ARHGEF10: variants seen among roughly 807,000 people sequenced by gnomAD.
ARHGEF10 encodes Rho guanine nucleotide exchange factor 10.
In ARHGEF10, 140 loss-of-function variants were observed where a neutral mutation model predicts 147.4. The observed-to-expected ratio is 0.95, with a 90% confidence interval of 0.83 to 1.09. The LOEUF is 1.09. ARHGEF10 is among the 50% of genes least tolerant of loss of function. ARHGEF10 has a pLI of 0.00. For synonymous variants in ARHGEF10, 902 were observed against 695.8 expected (o/e 1.30, Z -4.67); for missense variants, 2,222 against 1,752.7 (o/e 1.27, Z -4.78).
rs1321601319 is a variant in ARHGEF10, at chr8:1,948,033, A to T, written c.3397+2378A>T. On this transcript the variant is annotated intron_variant, in intron 27 of 28. Coordinates refer to ENST00000349830, the MANE Select transcript of ARHGEF10 (RefSeq NM_014629.4). This position sits in a 1 kb window ranked among gnomAD's most constrained non-coding sequence, Gnocchi z 4.9. ...CAGCTGCCTGTGTTGCGTGTTTTGG[A>T]TGATGAAGTTGTCTGTGGCTGGGCG... Among the ~76,000 whole-genome samples, 1 of 151,744 alleles carries T rather than the reference A, an allele frequency of 6.6e-6. No individual in the cohort carries two copies. Among genetic ancestry groups the T allele is most frequent in the Non-Finnish European group, 1.5e-5 (1 of 67,986 alleles).
intron 2 of ARHGEF10, among the ~76,000 whole-genome samples, chr8:1,851,789 C>G: frequency 6.6e-6 from 1 of 152,186 alleles, no homozygotes; most frequent in Non-Finnish European, 1.5e-5. Context: ...TGGCTCATGC[C>G]TGTAGTCCTG....
At chr8:1,882,776 G>GTCTTCTTGC (rs1448271548) in intron 10 of ARHGEF10, 27 bp downstream of exon 10, 1 of 1,500,356 alleles carries the variant, frequency 6.7e-7, no homozygotes, top group African/African-American at 1.5e-5. Context: ...CTTCTTGCGG[G>GTCTTCTTGC]GAGGACACGG....
In ARHGEF10 at chr8:1,909,425, G is replaced by A. The variant is rs2294039; in HGVS notation, c.2098G>A (p.Val700Ile). 0.038 allele frequency: 60,707 copies of A among 1,614,074 alleles called. 1,272 individuals are homozygous for A. Among genetic ancestry groups the A allele is most frequent in the Non-Finnish European group, 0.042 (49,339 of 1,180,038 alleles). ...GGGCGAGCACAGCAGGCACCTTGCC[G>A]TTCACCCGCCGGAGAGCCTGGCCGT... ...GTGEHSRHLA[V>I]HPPESLAVVA... Residue 700 changes from valine to isoleucine, a missense_variant, in exon 18 of 29, where the codon GTT becomes ATT. Coordinates refer to ENST00000349830, the MANE Select transcript of ARHGEF10 (RefSeq NM_014629.4).
chr8:1,942,210 G>A (rs540897722), intron 26 of ARHGEF10, among the ~76,000 whole-genome samples: 7 of 149,558 alleles, frequency 4.7e-5, no homozygotes, highest in Admixed American at 2.0e-4. Flanking sequence ...AATACGTACA[G>A]CTCATGTGAG....
At chr8:1,892,179 T>G (rs935193820) in intron 11 of ARHGEF10, among the ~76,000 whole-genome samples, 1 of 151,586 alleles carries the variant, frequency 6.6e-6, no homozygotes, top group Admixed American at 6.6e-5. Context: ...TGCTTGGCCT[T>G]TGGGTTCTAA....
At chr8:1,945,758 A>G in intron 27 of ARHGEF10, 103 bp downstream of exon 27, 2 of 1,471,948 alleles carry the variant, frequency 1.4e-6, no homozygotes, top group South Asian at 1.1e-5. Context: ...AGTGCAGGAC[A>G]CTGTTCACAA....
intron 18 of ARHGEF10, among the ~76,000 whole-genome samples, chr8:1,915,155 C>T (rs1008728243): frequency 2.0e-5 from 3 of 152,118 alleles, no homozygotes; most frequent in Non-Finnish European, 4.4e-5. Context: ...CTGAGAAAGG[C>T]CTTCAAACAT....
At position 1,923,027 on chromosome 8, in the gene ARHGEF10, A is replaced by C. The variant is rs1307324149; in HGVS notation, c.2207A>C (p.Asn736Thr). 3.7e-6 allele frequency: 6 copies of C among 1,613,716 alleles called. No individual in the cohort carries two copies. The highest frequency in any genetic ancestry group is 5.1e-6 in the Non-Finnish European group (6 of 1,179,952). ...QDLQNLLHDL[N>T]VIGQITQLIG... ...TTACAAAACTTGTTGCATGACTTAAATGTAATTGGCCAAATCACTCAGCTG... is the reference window on the plus strand; with the variant it reads ...TTACAAAACTTGTTGCATGACTTAACTGTAATTGGCCAAATCACTCAGCTG... Residue 736 changes from asparagine (N) to threonine (T), a missense_variant, in exon 19 of 29, where the codon AAT becomes ACT. Physicochemically the swap from Asn to Thr is moderately conservative, Grantham distance 65 (BLOSUM62 0). Transcript: ENST00000349830.
intron 4 of ARHGEF10, 113 bp from the exon 5 acceptor site, chr8:1,864,260 A>AAAG: frequency 9.4e-7 from 1 of 1,060,968 alleles, no homozygotes; most frequent in South Asian, 1.3e-5. Context: ...TTATGCTAAG[A>AAAG]TAAGCCTCTG....
chr8:1,892,458 G>A (rs1342103671), intron 11 of ARHGEF10, among the ~76,000 whole-genome samples: 4 of 152,104 alleles, frequency 2.6e-5, no homozygotes, highest in Non-Finnish European at 5.9e-5. Flanking sequence ...TCTAAAAGGA[G>A]TAATCTCTCC....
At chr8:1,935,921 C>T (rs1188705056) in intron 26 of ARHGEF10, among the ~76,000 whole-genome samples, 2 of 152,226 alleles carry the variant, frequency 1.3e-5, no homozygotes, top group Non-Finnish European at 2.9e-5. Flanking sequence ...TGTCCGAGCT[C>T]ACTCCGAGGG....
intron 2 of ARHGEF10, among the ~76,000 whole-genome samples, chr8:1,846,495 G>A (rs2129054774): frequency 6.6e-6 from 1 of 152,282 alleles, no homozygotes; most frequent in East Asian, 1.9e-4. Context: ...GGACACAGTT[G>A]GTGCTGTTAC....
At chr8:1,869,146 T>C in intron 6 of ARHGEF10, 48 bp from the exon 7 acceptor site, 2 of 1,536,912 alleles carry the variant, frequency 1.3e-6, no homozygotes, top group Non-Finnish European at 1.8e-6. Context: ...TAAATTGCAC[T>C]AGGTTTTGTT....
intron 1 of ARHGEF10, among the ~76,000 whole-genome samples, chr8:1,835,807 A>T (rs957258091): frequency 6.6e-6 from 1 of 152,168 alleles, no homozygotes; most frequent in Non-Finnish European, 1.5e-5. Context: ...CTGCGGCCTG[A>T]CGCACACGGC....
chr8:1,885,562 T>A (rs372339520), intron 10 of ARHGEF10, 39 bp from the exon 11 acceptor site: 345 of 1,390,772 alleles, frequency 2.5e-4, no homozygotes, highest in Non-Finnish European at 3.4e-4. Flanking sequence ...AATATATTAT[T>A]TGAATGTAAA....
intron 27 of ARHGEF10, 199 bp downstream of exon 27, chr8:1,945,854 G>C (rs1814537078): frequency 5.6e-6 from 4 of 710,860 alleles, no homozygotes; most frequent in Non-Finnish European, 8.7e-6. Context: ...GCGCTTCCCG[G>C]TGCAGGGCAC....
intron 1 of ARHGEF10, among the ~76,000 whole-genome samples, chr8:1,831,112 G>A (rs549732606): frequency 8.4e-4 from 128 of 152,352 alleles, no homozygotes; most frequent in South Asian, 2.5e-3. Flanking sequence ...GAAGGGCCAC[G>A]GGCCAGACCC....
chr8:1,864,568 T>G (rs1806425992), intron 5 of ARHGEF10, 132 bp downstream of exon 5: 1 of 880,526 alleles, frequency 1.1e-6, no homozygotes, highest in East Asian at 2.5e-5. Context: ...CAACCCCACC[T>G]CCTGCCTCGG....
chr8:1,859,260 C>A (rs1805882331), intron 3 of ARHGEF10, among the ~76,000 whole-genome samples: 1 of 151,268 alleles, frequency 6.6e-6, no homozygotes, highest in African/African-American at 2.4e-5. Flanking sequence ...TTGGCCATAG[C>A]ACCTGCCTCT....
Sources: allele counts gnomAD v4.1 joint callset (sites outside exome capture counted in the v4.1 genomes callset), GRCh38; gene constraint gnomAD v4.1.1; non-coding constraint Gnocchi (gnomAD v3.1); transcripts MANE v1.5; gene names NCBI Gene and HGNC (gene_info 2026-07-23, HGNC 2026-07-21).